PRDM16: variants seen among roughly 807,000 people sequenced by gnomAD.
PRDM16 encodes the protein PR/SET domain 16.
Under a neutral mutation model 110.6 loss-of-function variants are expected in PRDM16, and 23 were observed. The ratio of observed to expected loss-of-function variants is 0.21; its 90% CI spans 0.15 to 0.29. The LOEUF (loss-of-function observed/expected upper bound fraction) is 0.29. PRDM16 is among the 10% of genes least tolerant of loss of function. PRDM16 has a pLI of 1.00. For synonymous variants in PRDM16, 799 were observed against 781.8 expected (o/e 1.02, Z -0.37); for missense variants, 1,615 against 1,794.3 (o/e 0.90, Z 1.81).
chr1:3,170,057 ATT>A (rs35945121), intron 1 of PRDM16, among the ~76,000 whole-genome samples: 2 of 151,158 alleles, frequency 1.3e-5, no homozygotes, highest in African/African-American at 2.4e-5. Context: ...AAATTAATGA[ATT>A]TTTTTTTTCT....
intron 3 of PRDM16, among the ~76,000 whole-genome samples, chr1:3,336,252 G>A (rs1221355996): frequency 2.6e-5 from 4 of 152,360 alleles, no homozygotes; most frequent in Non-Finnish European, 4.4e-5. Flanking sequence ...GTATGTTGGA[G>A]TCTGTGTGTA....
chr1:3,180,819 A>G (rs1644142613), intron 1 of PRDM16, among the ~76,000 whole-genome samples: 1 of 148,776 alleles, frequency 6.7e-6, no homozygotes, highest in Admixed American at 6.6e-5. Flanking sequence ...ACACCTTTTC[A>G]GGTTCCCAAC....
At chr1:3,286,625 A>G (rs1042098819) in intron 3 of PRDM16, among the ~76,000 whole-genome samples, 1 of 151,996 alleles carries the variant, frequency 6.6e-6, no homozygotes, top group African/African-American at 2.4e-5. Flanking sequence ...TGTCCTCCAT[A>G]AGGGCCTGAG....
intron 14 of PRDM16, 120 bp from the exon 15 acceptor site, chr1:3,430,752 A>G (rs1638741723): frequency 3.3e-6 from 4 of 1,216,036 alleles, no homozygotes; most frequent in Non-Finnish European, 4.8e-6. Flanking sequence ...CTCCCTCAGG[A>G]AGGGGGCTGA....
At chr1:3,335,172 C>G (rs1227280043) in intron 3 of PRDM16, among the ~76,000 whole-genome samples, 2 of 152,232 alleles carry the variant, frequency 1.3e-5, no homozygotes, top group Non-Finnish European at 2.9e-5. Context: ...TTCCAGCTGC[C>G]CTGCACAGCC....
At chr1:3,118,110 T>C (rs1557460527) in intron 1 of PRDM16, among the ~76,000 whole-genome samples, 2 of 129,038 alleles carry the variant, frequency 1.5e-5, no homozygotes, top group East Asian at 2.5e-4. Flanking sequence ...TGCATGTGTG[T>C]GTGCGTGTGC....
In PRDM16 at chr1:3,435,699, C is replaced by T. The variant is rs1638888430; in HGVS notation, c.*1888C>T. ...CCTCAGGCTTTGTGTCACGCGTGGA[C>T]ATCTCCTCAGGCTGTCCCCAGCGGT... On this transcript the variant is annotated 3_prime_UTR_variant, in exon 17 of 17. Transcript: ENST00000270722. The T allele has an allele frequency of 8.6e-6, 2 of 232,748 alleles. No individual in the cohort carries two copies. The highest frequency in any genetic ancestry group is 3.6e-4 in the South Asian group (2 of 5,520). 14.4% of individuals were successfully genotyped at this position (232,748 alleles called of 1,614,324 possible).
chr1:3,312,338 C>T (rs1641481416), intron 3 of PRDM16, among the ~76,000 whole-genome samples: 2 of 152,220 alleles, frequency 1.3e-5, no homozygotes. Context: ...GCAGCAGCCT[C>T]TCACTGGGCC....
intron 3 of PRDM16, among the ~76,000 whole-genome samples, chr1:3,314,091 T>G (rs1391597016): frequency 8.6e-6 from 1 of 116,672 alleles, no homozygotes; most frequent in Admixed American, 8.8e-5. Context: ...GGCGGGAACA[T>G]AAAATGGACC....
intron 1 of PRDM16, among the ~76,000 whole-genome samples, chr1:3,149,459 GCAGGCCTGCCCTGCC>G (rs1643737424): frequency 6.6e-6 from 1 of 152,138 alleles, no homozygotes; most frequent in South Asian, 2.1e-4. Flanking sequence ...GTGGGTGCCT[GCAGGCCTGCCCTGCC>G]CTGCCACTCC....
intron 1 of PRDM16, among the ~76,000 whole-genome samples, chr1:3,111,532 G>A (rs911526202): frequency 1.3e-5 from 1 of 77,764 alleles, no homozygotes; most frequent in African/African-American, 4.6e-5. Context: ...AGGGGAGAGC[G>A]GAGGGAAAGA....
intron 3 of PRDM16, among the ~76,000 whole-genome samples, chr1:3,319,657 CT>C (rs1641695429): frequency 6.6e-6 from 1 of 152,158 alleles, no homozygotes; most frequent in African/African-American, 2.4e-5. Flanking sequence ...TACCCCTTTG[CT>C]GGCTGCTTGG....
intron 4 of PRDM16, among the ~76,000 whole-genome samples, chr1:3,393,706 G>C (rs971595302): frequency 6.6e-6 from 1 of 152,176 alleles, no homozygotes; most frequent in Non-Finnish European, 1.5e-5. Flanking sequence ...TGTGACACCG[G>C]GGACAGGCTG....
intron 3 of PRDM16, among the ~76,000 whole-genome samples, chr1:3,337,646 G>C (rs111673967): frequency 4.6e-5 from 7 of 152,174 alleles, no homozygotes; most frequent in Non-Finnish European, 1.0e-4. Flanking sequence ...CAGGGGCTGC[G>C]GGCACACACC....
chr1:3,164,820 AC>A lies in PRDM16; in HGVS notation c.38-21302del. Among the ~76,000 whole-genome samples, 3 of 152,100 alleles carry A rather than the reference AC, an allele frequency of 2.0e-5. 1 individual carries two copies. The South Asian group carries it at 6.3e-4, about 32-fold the overall frequency. On this transcript the variant is annotated intron_variant, in intron 1 of 16. Transcript: ENST00000270722. Reference sequence around the variant, plus strand: ...TGGGAAATGGAGGTCGCAGTGCTCCACCCACCGCCCAGCCCGCCTCCGTTCT... The same window carrying A: ...TGGGAAATGGAGGTCGCAGTGCTCCACCACCGCCCAGCCCGCCTCCGTTCT...
intron 3 of PRDM16, among the ~76,000 whole-genome samples, chr1:3,366,752 AG>A (rs1350430270): frequency 1.3e-5 from 2 of 152,158 alleles, no homozygotes; most frequent in Non-Finnish European, 2.9e-5. Flanking sequence ...TCTCTACTCT[AG>A]GTCAAATGTT....
intron 3 of PRDM16, among the ~76,000 whole-genome samples, chr1:3,323,821 A>T (rs1641820991): frequency 6.6e-6 from 1 of 152,164 alleles, no homozygotes; most frequent in African/African-American, 2.4e-5. Flanking sequence ...TGACAATGTG[A>T]CGGCTTATGT....
intron 3 of PRDM16, among the ~76,000 whole-genome samples, chr1:3,329,968 G>GA: frequency 6.6e-6 from 1 of 152,370 alleles, no homozygotes; most frequent in African/African-American, 2.4e-5. Context: ...GTTGTCTCTG[G>GA]AAGGAGGCTT....
chr1:3,354,731 A>G (rs1247720421), intron 3 of PRDM16, among the ~76,000 whole-genome samples: 1 of 152,154 alleles, frequency 6.6e-6, no homozygotes, highest in East Asian at 1.9e-4. Flanking sequence ...CTCCAAGGCT[A>G]CGACAGAGCA....
Sources: allele counts gnomAD v4.1 joint callset (sites outside exome capture counted in the v4.1 genomes callset), GRCh38; gene constraint gnomAD v4.1.1; transcripts MANE v1.5; gene names NCBI Gene and HGNC (gene_info 2026-07-23, HGNC 2026-07-21).